Variants in HUNK observed in about 807,000 individuals in gnomAD.
HUNK encodes the protein hormonally up-regulated Neu-associated kinase.
In HUNK, 21 loss-of-function variants were observed where a neutral mutation model predicts 61.0. The ratio of observed to expected loss-of-function variants is 0.34; its 90% CI spans 0.24 to 0.50. The LOEUF (loss-of-function observed/expected upper bound fraction) is 0.50, where lower values mean the gene tolerates loss of function less well. HUNK is among the 20% of genes least tolerant of loss of function. The pLI is 0.98. For synonymous variants in HUNK, 371 were observed against 386.1 expected, an observed-to-expected ratio of 0.96 and a Z score of 0.46; for missense variants, 772 against 945.7, an observed-to-expected ratio of 0.82 and a Z score of 2.41.
At chr21:31,978,698 T>C (rs2053068985) in intron 7 of HUNK, among the ~76,000 whole-genome samples, 1 of 152,190 alleles carries the variant, frequency 6.6e-6, no homozygotes, top group Non-Finnish European at 1.5e-5. Context: ...CCATTATATA[T>C]AGGTACCACA....
At chr21:31,967,583 C>T (rs1185256864) in intron 5 of HUNK, among the ~76,000 whole-genome samples, 3 of 151,740 alleles carry the variant, frequency 2.0e-5, no homozygotes, top group South Asian at 4.2e-4. Flanking sequence ...TATTTTTGGC[C>T]AGGCGTGGTG....
At position 31,914,408 on chromosome 21, in the gene HUNK, CAAAAAAAAAAAA is replaced by C. The variant is rs35023797; in HGVS notation, c.262-10042_262-10031del. On this transcript the variant is annotated intron_variant, in intron 1 of 10. Coordinates refer to ENST00000270112, the MANE Select transcript of HUNK (RefSeq NM_014586.2). The stretch of plus-strand genomic sequence containing the variant: ...GGGCAACAAGAGTGAAACTCTGTCT[CAAAAAAAAAAAA>C]AAAAAAAAAAAAAAAAAGACCCGGC... Among the ~76,000 whole-genome samples, 38 of 39,844 alleles carry C rather than the reference CAAAAAAAAAAAA, an allele frequency of 9.5e-4. 2 individuals carry two copies. The South Asian group carries it at 0.055, about 57-fold the overall frequency. The allele number at this position is 39,844 out of a possible 152,430, so 26.1% of individuals were successfully genotyped here.
chr21:31,952,025 A>ATT (rs66539485), intron 4 of HUNK, among the ~76,000 whole-genome samples: 72,857 of 150,682 alleles, frequency 0.48, 18,645 homozygotes, highest in Non-Finnish European at 0.59. Context: ...AAAGTACGAG[A>ATT]TTTTTTTTTT....
chr21:31,887,723 G>A (rs867016399), intron 1 of HUNK, among the ~76,000 whole-genome samples: 6 of 152,202 alleles, frequency 3.9e-5, no homozygotes, highest in Non-Finnish European at 4.4e-5. Flanking sequence ...AACACAGAGC[G>A]TGGTGCTAAG....
chr21:31,983,721 A>G, intron 8 of HUNK, 112 bp downstream of exon 8: 1 of 743,724 alleles, frequency 1.3e-6, no homozygotes, highest in Non-Finnish European at 2.3e-6. Context: ...CAAAAGACAC[A>G]TACTTACGCT....
intron 4 of HUNK, among the ~76,000 whole-genome samples, chr21:31,952,444 C>T (rs887415212): frequency 6.6e-6 from 1 of 152,154 alleles, no homozygotes; most frequent in East Asian, 1.9e-4. Flanking sequence ...CCCTTAAGAA[C>T]GAGTAATCAG....
intron 6 of HUNK, among the ~76,000 whole-genome samples, chr21:31,973,867 C>A (rs761230887): frequency 2.6e-5 from 4 of 152,078 alleles, no homozygotes; most frequent in Non-Finnish European, 5.9e-5. Flanking sequence ...TGAATGAAGC[C>A]CGGTATTTCT....
chr21:31,966,514 G>A (rs2052967496), intron 5 of HUNK, among the ~76,000 whole-genome samples: 1 of 152,170 alleles, frequency 6.6e-6, no homozygotes, highest in Non-Finnish European at 1.5e-5. Flanking sequence ...AACCCACCCT[G>A]GTGGTGGGTT....
intron 4 of HUNK, among the ~76,000 whole-genome samples, chr21:31,946,746 C>G (rs957926073): frequency 8.5e-5 from 13 of 152,150 alleles, no homozygotes; most frequent in Non-Finnish European, 1.6e-4. Flanking sequence ...TCCCAAGTAG[C>G]TGAGATTACA....
Position 32,003,534 on chromosome 21 carries a change from T to C in HUNK, c.*4350T>C, listed in dbSNP as rs2053259614. ...TAGTGTATTTATTTTCTTTGTGGGG[T>C]CTTCTGTGAGCTACAGGCACAGTAA... is the stretch of plus-strand genomic sequence containing the variant. On this transcript the variant is annotated 3_prime_UTR_variant, in exon 11 of 11. Transcript: ENST00000270112. The C allele has an allele frequency of 6.6e-6, 1 of 152,090 alleles. No individual in the cohort carries two copies. The highest frequency in any genetic ancestry group is 1.5e-5 in the Non-Finnish European group (1 of 68,024). 9.4% of individuals were successfully genotyped at this position (152,090 alleles called of 1,614,324 possible).
chr21:31,927,371 G>A (rs969375264), intron 2 of HUNK, among the ~76,000 whole-genome samples: 6 of 76 alleles, frequency 0.079, no homozygotes, highest in East Asian at 0.5. Flanking sequence ...CAGGCCGGGC[G>A]CAGTGCTCAC....
chr21:31,900,535 G>A (rs1354551756), intron 1 of HUNK, among the ~76,000 whole-genome samples: 2 of 151,048 alleles, frequency 1.3e-5, no homozygotes, highest in Non-Finnish European at 2.9e-5. Context: ...TGACAGACTC[G>A]GTAGAATGCA....
At chr21:31,994,989 C>T (rs1013838562) in intron 9 of HUNK, among the ~76,000 whole-genome samples, 16 of 152,014 alleles carry the variant, frequency 1.1e-4, no homozygotes, top group African/African-American at 3.9e-4. Context: ...CCCATCTCTA[C>T]AAGAAATCTT....
At chr21:31,907,247 C>G (rs1008046480) in intron 1 of HUNK, among the ~76,000 whole-genome samples, 1 of 152,018 alleles carries the variant, frequency 6.6e-6, no homozygotes, top group African/African-American at 2.4e-5. Context: ...CACACCAGAT[C>G]TCAAGACGTC....
In HUNK at chr21:31,946,086, A is replaced by G. The variant is rs767753828; in HGVS notation, c.661A>G (p.Ser221Gly). Residue 221 changes from serine (S) to glycine (G), a missense_variant, in exon 4 of 11, where the codon AGC becomes GGC. Transcript: ENST00000270112. Reference sequence around the variant, plus strand: ...GATCCTGGGTTACTCGGATCCGTTCAGCACACAGTGTGGCAGCCCTGCCTA... The same window carrying G: ...GATCCTGGGTTACTCGGATCCGTTCGGCACACAGTGTGGCAGCCCTGCCTA... ...AGILGYSDPF[S>G]TQCGSPAYAA... The G allele has an allele frequency of 1.9e-6, 3 of 1,613,590 alleles. No homozygotes were observed.
intron 5 of HUNK, among the ~76,000 whole-genome samples, chr21:31,962,119 A>G (rs1240084166): frequency 1.3e-5 from 2 of 152,226 alleles, no homozygotes; most frequent in Non-Finnish European, 2.9e-5. Context: ...TTTCGCCAGC[A>G]ATTAAATCTT....
chr21:31,943,459 G>A (rs889222294), intron 3 of HUNK, among the ~76,000 whole-genome samples: 31 of 152,158 alleles, frequency 2.0e-4, no homozygotes, highest in African/African-American at 7.5e-4. Context: ...GCTGGGAGGT[G>A]GCCTTCTCTC....
chr21:31,889,359 T>G (rs1227801002), intron 1 of HUNK, among the ~76,000 whole-genome samples: 1 of 152,148 alleles, frequency 6.6e-6, no homozygotes, highest in Non-Finnish European at 1.5e-5. Flanking sequence ...TCAGAATATT[T>G]TAACATTTTA....
chr21:31,893,628 T>C, intron 1 of HUNK, among the ~76,000 whole-genome samples: 1 of 152,176 alleles, frequency 6.6e-6, no homozygotes, highest in East Asian at 1.9e-4. Context: ...CCTTGTCACC[T>C]TTTTGCCACT....
Sources: allele counts gnomAD v4.1 joint callset (sites outside exome capture counted in the v4.1 genomes callset), GRCh38; gene constraint gnomAD v4.1.1; transcripts MANE v1.5; gene names NCBI Gene and HGNC (gene_info 2026-07-23, HGNC 2026-07-21).